The following XIAP variants were observed in gnomAD, a reference collection of about 807,000 sequenced individuals.
XIAP encodes the protein E3 ubiquitin-protein ligase XIAP.
In XIAP, 3 loss-of-function variants were observed where a neutral mutation model predicts 33.1. The ratio of observed to expected loss-of-function variants is 0.09; its 90% CI spans 0.04 to 0.23. The LOEUF (loss-of-function observed/expected upper bound fraction) is 0.23, where lower values mean the gene tolerates loss of function less well. XIAP is among the 10% of genes least tolerant of loss of function. XIAP has a pLI of 1.00. For synonymous variants in XIAP, 98 were observed against 121.3 expected (o/e 0.81, Z 1.26); for missense variants, 264 against 363.0 (o/e 0.73, Z 2.22).
chrX:123,877,048 A>G (rs944309917), intron 1 of XIAP, among the ~76,000 whole-genome samples: 34 of 110,409 alleles, frequency 3.1e-4, no homozygotes, highest in African/African-American at 1.1e-3. Flanking sequence ...TCATATTACC[A>G]GAGTCAGTGA....
intron 6 of XIAP, among the ~76,000 whole-genome samples, chrX:123,904,186 C>T (rs1375687041): frequency 9.0e-6 from 1 of 111,194 alleles, no homozygotes; most frequent in Non-Finnish European, 1.9e-5. Flanking sequence ...ATCCTCCCGC[C>T]TCTGCCTCCC....
intron 1 of XIAP, among the ~76,000 whole-genome samples, chrX:123,882,844 T>G: frequency 8.9e-6 from 1 of 112,460 alleles, no homozygotes; most frequent in Non-Finnish European, 1.9e-5. Context: ...AGTGGCACGA[T>G]CTCAGCTCAC....
At chrX:123,874,453 A>C (rs982931449) in intron 1 of XIAP, 2 of 111,249 alleles carry the variant, frequency 1.8e-5, no homozygotes, top group Non-Finnish European at 3.8e-5. Context: ...TTAATACAAC[A>C]TCATGGTGCT....
intron 5 of XIAP, among the ~76,000 whole-genome samples, chrX:123,896,880 C>G: frequency 9.1e-6 from 1 of 109,707 alleles, no homozygotes; most frequent in Non-Finnish European, 1.9e-5. Context: ...CTGCACCCGG[C>G]CACCTTTTTC....
At chrX:123,864,627 C>A (rs1024640611) in intron 1 of XIAP, among the ~76,000 whole-genome samples, 2 of 91,122 alleles carry the variant, frequency 2.2e-5, no homozygotes, top group African/African-American at 4.1e-5. Context: ...CCACCACACC[C>A]GGCTTAGAGT....
chrX:123,873,473 C>CCT (rs1169755558), intron 1 of XIAP, among the ~76,000 whole-genome samples: 3 of 108,543 alleles, frequency 2.8e-5, no homozygotes, highest in Non-Finnish European at 3.8e-5. Context: ...CATGTCTGGC[C>CCT]CTCTCTCTCT....
Position 123,912,818 on chromosome X carries a change from A to C in XIAP, c.*5637A>C, listed in dbSNP as rs1403944559. 2 of 320,296 alleles carry C rather than the reference A, an allele frequency of 6.2e-6. No individual in the cohort carries two copies. Among genetic ancestry groups the C allele is most frequent in the Non-Finnish European group, 1.2e-5 (2 of 166,436 alleles). 26.4% of individuals were successfully genotyped at this position (320,296 alleles called of 1,213,427 possible). Reference sequence around the variant, plus strand: ...CAGGCATGCTCCACGGTGCCCAGTTAATTTTTTTTGTATTCTTAGTAGAGA... The same window carrying C: ...CAGGCATGCTCCACGGTGCCCAGTTCATTTTTTTTGTATTCTTAGTAGAGA... On this transcript the variant is annotated 3_prime_UTR_variant, in exon 7 of 7. Coordinates refer to ENST00000371199, the MANE Select transcript of XIAP (RefSeq NM_001167.4).
chrX:123,877,831 G>A (rs750443559), intron 1 of XIAP, among the ~76,000 whole-genome samples: 2 of 110,737 alleles, frequency 1.8e-5, no homozygotes, highest in Admixed American at 9.7e-5. Flanking sequence ...AAAATTAGCC[G>A]GGCGTGGTGG....
rs186253179 is a variant in XIAP, at chrX:123,902,873, A to G, written c.1300+2180A>G. Among the ~76,000 whole-genome samples, 29 of 111,919 alleles carry G rather than the reference A, an allele frequency of 2.6e-4. No homozygotes were observed. In the South Asian group the frequency reaches 2.9e-3, roughly 11 times the overall value. On this transcript the variant is annotated intron_variant, in intron 6 of 6. Coordinates refer to ENST00000371199, the MANE Select transcript of XIAP (RefSeq NM_001167.4). ...AAATAATTACAAATATTAGCAAATAACATCAAAAGTTATCTAGCCTTTATT... is the reference window on the plus strand; with the variant it reads ...AAATAATTACAAATATTAGCAAATAGCATCAAAAGTTATCTAGCCTTTATT...
At chrX:123,877,280 T>C (rs1189016326) in intron 1 of XIAP, among the ~76,000 whole-genome samples, 1 of 111,592 alleles carries the variant, frequency 9.0e-6, no homozygotes, top group Non-Finnish European at 1.9e-5. Context: ...TTGGCCAGGC[T>C]GGTTTCAAAC....
Position 123,897,839 on chromosome X carries a change from G to A in XIAP, c.1100-2654G>A, listed in dbSNP as rs372872495. 6.2e-5 allele frequency among the ~76,000 whole-genome samples: 7 copies of A among 112,651 alleles called. No individual in the cohort carries two copies. In the East Asian group the frequency reaches 1.1e-3, roughly 18 times the overall value. ...CTCCCAAAGTGGTGGGATTACAGGC[G>A]TGAGCCACTGTGCCCAGCTGGAAAG... On this transcript the variant is annotated intron_variant, in intron 5 of 6. Transcript: ENST00000371199.
intron 5 of XIAP, among the ~76,000 whole-genome samples, chrX:123,896,570 G>T (rs988443325): frequency 5.6e-5 from 6 of 107,077 alleles, no homozygotes; most frequent in African/African-American, 2.0e-4. Flanking sequence ...CTCCCATTCT[G>T]TGGGTTTCCT....
chrX:123,866,010 T>C (rs1463967257), intron 1 of XIAP, among the ~76,000 whole-genome samples: 12 of 107,121 alleles, frequency 1.1e-4, no homozygotes, highest in Non-Finnish European at 1.9e-4. Context: ...CTGCGATCTC[T>C]GTTCACTGCA....
intron 3 of XIAP, among the ~76,000 whole-genome samples, chrX:123,889,581 T>C (rs1344630244): frequency 9.3e-6 from 1 of 108,001 alleles, no homozygotes; most frequent in Non-Finnish European, 1.9e-5. Context: ...GCAATGGTGC[T>C]ATCTCAGTTC....
intron 2 of XIAP, among the ~76,000 whole-genome samples, chrX:123,886,956 G>C (rs1402076399): frequency 8.9e-6 from 1 of 111,949 alleles, no homozygotes; most frequent in African/African-American, 3.2e-5. Flanking sequence ...TTTCGCTCTT[G>C]TTATCCAGGC....
chrX:123,909,738 A>T lies in XIAP; in HGVS notation c.*2557A>T, dbSNP rs1430819536. On this transcript the variant is annotated 3_prime_UTR_variant, in exon 7 of 7. Coordinates refer to ENST00000371199, the MANE Select transcript of XIAP (RefSeq NM_001167.4). ...TCCTCTCCATGAGTTGTGAAATTTA[A>T]TGCACAACGCTGATGTGGCTAACAA... 3.0e-6 allele frequency: 1 copy of T among 329,682 alleles called. No individual in the cohort carries two copies. The highest frequency in any genetic ancestry group is 3.1e-5 in the Admixed American group (1 of 32,216). The allele number at this position is 329,682 out of a possible 1,213,427, so 27.2% of individuals were successfully genotyped here.
At chrX:123,873,278 C>G (rs760644956) in intron 1 of XIAP, among the ~76,000 whole-genome samples, 1 of 109,385 alleles carries the variant, frequency 9.1e-6, no homozygotes, top group East Asian at 3.0e-4. Context: ...ATGATCCTCC[C>G]GCCTCGGCCT....
At chrX:123,899,549 A>T (rs2053498452) in intron 5 of XIAP, among the ~76,000 whole-genome samples, 1 of 108,438 alleles carries the variant, frequency 9.2e-6, no homozygotes, top group South Asian at 3.9e-4. Flanking sequence ...CCCAAGTTAT[A>T]TTCTGGCTTC....
At chrX:123,887,012 C>T (rs1287186148) in intron 2 of XIAP, among the ~76,000 whole-genome samples, 3 of 111,898 alleles carry the variant, frequency 2.7e-5, no homozygotes, top group South Asian at 7.4e-4. Context: ...CTCCACCTCC[C>T]GGGTTCAAGC....
Sources: gnomAD v4.1 joint callset for allele counts (sites outside exome capture counted in the v4.1 genomes callset) on GRCh38, gnomAD v4.1.1 for gene constraint, MANE v1.5 for transcripts, NCBI Gene and HGNC (gene_info 2026-07-23, HGNC 2026-07-21) for gene names.